TMEM9: variants seen among roughly 807,000 people sequenced by gnomAD.
TMEM9 encodes the protein transmembrane protein 9.
A neutral mutation model predicts 22.8 loss-of-function variants in TMEM9; 13 were observed. The observed-to-expected ratio is 0.57, with a 90% CI of 0.37 to 0.91. The LOEUF (loss-of-function observed/expected upper bound fraction) is 0.91. Ranked by LOEUF, TMEM9 falls within the 40% of genes least tolerant of loss-of-function variation. TMEM9 has a pLI of 0.01. For synonymous variants in TMEM9, 88 were observed against 93.0 expected (o/e 0.95, Z 0.31); for missense variants, 182 against 238.1 (o/e 0.76, Z 1.55).
At chr1:201,137,324 G>A (rs1198702100) in intron 4 of TMEM9, among the ~76,000 whole-genome samples, 1 of 152,238 alleles carries the variant, frequency 6.6e-6, no homozygotes, top group African/African-American at 2.4e-5. Flanking sequence ...GGGCTGGGAA[G>A]GAGACATGGC....
At chr1:201,146,640 G>A (rs775551343) in intron 3 of TMEM9, 100 bp downstream of exon 3, 14 of 1,265,394 alleles carry the variant, frequency 1.1e-5, no homozygotes, top group Non-Finnish European at 1.6e-5. Flanking sequence ...TAGCCATTGG[G>A]ACATTCCAGA....
Position 201,154,031 on chromosome 1 carries a change from C to T in TMEM9, c.-108G>A. 1 of 1,350,794 alleles carries T rather than the reference C, an allele frequency of 7.4e-7. No homozygotes were observed. The highest frequency in any genetic ancestry group is 1.0e-6 in the Non-Finnish European group (1 of 1,002,546). The allele number at this position is 1,350,794 out of a possible 1,614,324, so 83.7% of individuals were successfully genotyped here. A position where few individuals can be genotyped will look rare whatever the true frequency, so the allele number is the denominator to read the frequency against. The stretch of plus-strand genomic sequence containing the variant: ...GCAGCCAGCACGCTAGGCCCTTAAC[C>T]ATCCGGCCAAGTGGGAATGGGGTTG... On this transcript the variant is annotated 5_prime_UTR_variant, in exon 1 of 5. The change abolishes an upstream ATG in the 5' untranslated region. Coordinates refer to ENST00000367330, the MANE Select transcript of TMEM9 (RefSeq NM_001288565.2).
At chr1:201,167,248 G>A (rs1233756480) in intron 1 of TMEM9, among the ~76,000 whole-genome samples, 7 of 152,180 alleles carry the variant, frequency 4.6e-5, no homozygotes, top group Non-Finnish European at 7.3e-5. Context: ...CACGCCACGC[G>A]GGCGACAGAG....
At chr1:201,152,707 C>T (rs10920135) in intron 1 of TMEM9, among the ~76,000 whole-genome samples, 110,072 of 152,084 alleles carry the variant, frequency 0.72, 40,096 homozygotes, top group Non-Finnish European at 0.77. Flanking sequence ...AGTACTAGCA[C>T]CCCTAAAACA....
rs1572133453 is a variant in TMEM9 at position 201,154,273 on chromosome 1, G to A, written c.-350C>T. On this transcript the variant is annotated 5_prime_UTR_variant, in exon 1 of 5. Transcript: ENST00000367330. ...CCCTCCGCCATCTCCGCCTCTGCCCGCCCCGCAGCTCCTCCCCGCTCGGGC... is the reference window on the plus strand; with the variant it reads ...CCCTCCGCCATCTCCGCCTCTGCCCACCCCGCAGCTCCTCCCCGCTCGGGC... The A allele has an allele frequency of 9.1e-6, 2 of 218,916 alleles. No homozygotes were observed. Among genetic ancestry groups the A allele is most frequent in the East Asian group, 1.2e-4 (1 of 8,146 alleles). 13.6% of individuals were successfully genotyped at this position (218,916 alleles called of 1,614,324 possible). A position where few individuals can be genotyped will look rare whatever the true frequency, so the allele number is the denominator to read the frequency against.
chr1:201,157,365 T>C (rs968195685), upstream of TMEM9, among the ~76,000 whole-genome samples: 1 of 152,196 alleles, frequency 6.6e-6, no homozygotes, highest in Non-Finnish European at 1.5e-5. Flanking sequence ...TGGAGTCCCA[T>C]GGTGAACATG....
chr1:201,139,037 A>C (rs1438750975), intron 4 of TMEM9, among the ~76,000 whole-genome samples: 1 of 152,216 alleles, frequency 6.6e-6, no homozygotes, highest in African/African-American at 2.4e-5. Context: ...GAAGGACCCA[A>C]GTAACTGTGT....
Position 201,154,326 on chromosome 1 carries a change from G to A in TMEM9, c.-403C>T. The A allele has an allele frequency of 5.4e-6, 1 of 185,102 alleles. No individual in the cohort carries two copies. The highest frequency in any genetic ancestry group is 1.2e-5 in the Non-Finnish European group (1 of 86,776). 11.5% of individuals were successfully genotyped at this position (185,102 alleles called of 1,614,324 possible). On this transcript the variant is annotated 5_prime_UTR_variant, in exon 1 of 5. Coordinates refer to ENST00000367330, the MANE Select transcript of TMEM9 (RefSeq NM_001288565.2). ...GACGGGAACTTTTGGGTGCGAGTCT[G>A]GGACCCCTGCTCCGACGGCGAAGGC...
intron 2 of TMEM9, among the ~76,000 whole-genome samples, chr1:201,149,228 G>A (rs1370979725): frequency 2.0e-5 from 3 of 152,054 alleles, no homozygotes; most frequent in Non-Finnish European, 4.4e-5. Flanking sequence ...TCCAGGCCTC[G>A]GTTCCCTCAT....
Position 201,154,145 on chromosome 1 carries a change from C to T in TMEM9, c.-222G>A. 3.5e-6 allele frequency: 2 copies of T among 564,056 alleles called. No individual in the cohort carries two copies. The highest frequency in any genetic ancestry group is 3.2e-5 in the East Asian group (1 of 30,830). 34.9% of individuals were successfully genotyped at this position (564,056 alleles called of 1,614,324 possible). On this transcript the variant is annotated 5_prime_UTR_variant, in exon 1 of 5. Coordinates refer to ENST00000367330, the MANE Select transcript of TMEM9 (RefSeq NM_001288565.2). ...CCCAACTCTCCGGCTCTCCGCCAGCCACCTGGTGAGCCCGGCAGAGGGGTC... is the reference window on the plus strand; with the variant it reads ...CCCAACTCTCCGGCTCTCCGCCAGCTACCTGGTGAGCCCGGCAGAGGGGTC...
At chr1:201,150,627 A>G (rs1272761773) in intron 2 of TMEM9, among the ~76,000 whole-genome samples, 1 of 152,192 alleles carries the variant, frequency 6.6e-6, no homozygotes, top group Non-Finnish European at 1.5e-5. Context: ...ATCTAACTAG[A>G]CTGCCTCTCA....
At chr1:201,149,674 T>C (rs901282903) in intron 2 of TMEM9, among the ~76,000 whole-genome samples, 4 of 152,190 alleles carry the variant, frequency 2.6e-5, no homozygotes, top group Non-Finnish European at 1.5e-5. Context: ...CTGGCTTTAC[T>C]CTGCACAACC....
chr1:201,148,829 G>A (rs1458105160), intron 2 of TMEM9, among the ~76,000 whole-genome samples: 1 of 152,218 alleles, frequency 6.6e-6, no homozygotes, highest in Non-Finnish European at 1.5e-5. Flanking sequence ...TCCCTGCTCT[G>A]AGCAGGTCTC....
chr1:201,164,865 C>T (rs542442845), intron 1 of TMEM9, among the ~76,000 whole-genome samples: 17 of 151,968 alleles, frequency 1.1e-4, no homozygotes, highest in African/African-American at 4.1e-4. Context: ...TCAGGGAAGA[C>T]TCTAATTGTC....
chr1:201,154,563 T>TGA (rs1665716251), upstream of TMEM9: 1 of 152,344 alleles, frequency 6.6e-6, no homozygotes, highest in Middle Eastern at 3.2e-3. Flanking sequence ...AAGACCCGCC[T>TGA]TCACCTGGGC....
chr1:201,170,740 A>G (rs1666190423), intron 1 of TMEM9, among the ~76,000 whole-genome samples: 1 of 152,210 alleles, frequency 6.6e-6, no homozygotes, highest in Admixed American at 6.5e-5. Flanking sequence ...AGGGTTGAAC[A>G]GGGTGGCGCC....
At chr1:201,158,058 G>A (rs1558119788), upstream of TMEM9, among the ~76,000 whole-genome samples, 1 of 152,214 alleles carries the variant, frequency 6.6e-6, no homozygotes, top group Non-Finnish European at 1.5e-5. Flanking sequence ...TTTTCTGGCT[G>A]TGGTTAGAGA....
At chr1:201,170,849 C>T (rs982695075) in intron 1 of TMEM9, among the ~76,000 whole-genome samples, 4 of 152,222 alleles carry the variant, frequency 2.6e-5, no homozygotes, top group African/African-American at 9.6e-5. Context: ...CCGTCCAATC[C>T]CGTCACCACC....
chr1:201,141,630 G>A (rs756216730), intron 4 of TMEM9, among the ~76,000 whole-genome samples: 4 of 152,078 alleles, frequency 2.6e-5, no homozygotes, highest in African/African-American at 4.8e-5. Context: ...TCCCAGGGCC[G>A]CAACTTCCCC....
Sources: allele counts gnomAD v4.1 joint callset (sites outside exome capture counted in the v4.1 genomes callset), GRCh38; gene constraint gnomAD v4.1.1; transcripts MANE v1.5; gene names NCBI Gene and HGNC (gene_info 2026-07-23, HGNC 2026-07-21).